Variants in RAB38 observed in about 807,000 individuals in gnomAD.
RAB38 encodes ras-related protein Rab-38.
A neutral mutation model predicts 18.4 loss-of-function variants in RAB38; 15 were observed. The ratio of observed to expected loss-of-function variants is 0.82; its 90% CI spans 0.55 to 1.26. RAB38 has a LOEUF of 1.26. Ranked by LOEUF, RAB38 falls within the 50% of genes most tolerant of loss-of-function variation. RAB38 has a pLI of 0.00. For synonymous variants in RAB38, 101 were observed against 104.4 expected (o/e 0.97, Z 0.20); for missense variants, 294 against 267.4 (o/e 1.10, Z -0.69).
chr11:88,004,624 G>A, the RAB38 span, among the ~76,000 whole-genome samples: 2 of 151,316 alleles, frequency 1.3e-5, no homozygotes, highest in Admixed American at 1.3e-4. Context: ...GAAGTTCCTA[G>A]TTAGTCATTG....
the RAB38 span, among the ~76,000 whole-genome samples, chr11:88,103,941 G>T: frequency 1.3e-5 from 2 of 152,242 alleles, no homozygotes; most frequent in Admixed American, 1.3e-4. Context: ...TTGCCAGAAG[G>T]TGTCGTCAGT....
At chr11:87,903,121 G>A in the RAB38 span, among the ~76,000 whole-genome samples, 159 of 151,192 alleles carry the variant, frequency 1.1e-3, no homozygotes, top group Middle Eastern at 6.8e-3. Context: ...TTTAATGAAC[G>A]TGGTGAGAAT....
At chr11:88,150,222 C>T (rs566381794) in intron 1 of RAB38, among the ~76,000 whole-genome samples, 1 of 152,238 alleles carries the variant, frequency 6.6e-6, no homozygotes, top group African/African-American at 2.4e-5. Context: ...TACAGTATTC[C>T]AGTAGCCACA....
intron 1 of RAB38, among the ~76,000 whole-genome samples, chr11:88,153,910 T>C (rs1048916455): frequency 4.6e-5 from 7 of 152,212 alleles, no homozygotes; most frequent in Non-Finnish European, 7.3e-5. Context: ...TTGTGTGGGC[T>C]TTATATCAAG....
At chr11:88,130,470 C>T (rs35514109) in intron 2 of RAB38, among the ~76,000 whole-genome samples, 12,847 of 152,182 alleles carry the variant, frequency 0.084, 622 homozygotes, top group Middle Eastern at 0.12. Flanking sequence ...ACTGAAGAGA[C>T]GGACTAGCAC....
chr11:88,088,254 C>A, the RAB38 span, among the ~76,000 whole-genome samples: 2 of 151,892 alleles, frequency 1.3e-5, no homozygotes, highest in South Asian at 4.1e-4. Context: ...CCCACAGCAT[C>A]AATTATTTAA....
chr11:87,837,304 A>T, the RAB38 span, among the ~76,000 whole-genome samples: 1 of 152,154 alleles, frequency 6.6e-6, no homozygotes, highest in Non-Finnish European at 1.5e-5. Context: ...TGTGAGCTCC[A>T]TGAGGGTACA....
chr11:87,866,854 T>A, the RAB38 span, among the ~76,000 whole-genome samples: 9 of 151,776 alleles, frequency 5.9e-5, no homozygotes, highest in Non-Finnish European at 8.8e-5. Flanking sequence ...TCAGGAAAGC[T>A]TCTGGCATGG....
chr11:88,117,986 A>C (rs1445820253), intron 2 of RAB38, among the ~76,000 whole-genome samples: 3 of 152,170 alleles, frequency 2.0e-5, no homozygotes, highest in Non-Finnish European at 4.4e-5. Flanking sequence ...CAGACAGGGA[A>C]AGTGACTGGC....
chr11:88,134,503 A>G (rs146981836), intron 2 of RAB38, among the ~76,000 whole-genome samples: 1 of 152,312 alleles, frequency 6.6e-6, no homozygotes, highest in African/African-American at 2.4e-5. Flanking sequence ...TCGGCCTCCC[A>G]AAGTGCTGGG....
At chr11:87,875,945 C>G in the RAB38 span, among the ~76,000 whole-genome samples, 3 of 151,522 alleles carry the variant, frequency 2.0e-5, no homozygotes, top group Non-Finnish European at 4.4e-5. Flanking sequence ...CCTCCCCATT[C>G]TTTACATTTA....
At chr11:87,812,010 A>T in the RAB38 span, among the ~76,000 whole-genome samples, 1 of 152,202 alleles carries the variant, frequency 6.6e-6, no homozygotes, top group South Asian at 2.1e-4. Flanking sequence ...GGAAATTCAG[A>T]TCAATCTGGC....
the RAB38 span, among the ~76,000 whole-genome samples, chr11:87,927,851 G>C: frequency 8.5e-5 from 13 of 152,086 alleles, no homozygotes; most frequent in South Asian, 8.3e-4. Flanking sequence ...AGGATCATTT[G>C]AGCCCAGGAG....
At chr11:87,810,141 GACTTT>G in the RAB38 span, among the ~76,000 whole-genome samples, 2 of 152,154 alleles carry the variant, frequency 1.3e-5, no homozygotes, top group African/African-American at 2.4e-5. Flanking sequence ...GGGGAAAGTA[GACTTT>G]ACTTTTTCTT....
chr11:88,106,397 T>C, the RAB38 span, among the ~76,000 whole-genome samples: 5 of 152,246 alleles, frequency 3.3e-5, no homozygotes, highest in Admixed American at 2.6e-4. Flanking sequence ...ATAGAAAACA[T>C]TGTATTTTAT....
At chr11:87,946,877 A>T in the RAB38 span, among the ~76,000 whole-genome samples, 1 of 152,206 alleles carries the variant, frequency 6.6e-6, no homozygotes, top group Admixed American at 6.6e-5. Context: ...TTATAGCAGC[A>T]TGATTTACAA....
intron 2 of RAB38, among the ~76,000 whole-genome samples, chr11:88,136,442 T>C (rs946108608): frequency 2.6e-5 from 4 of 151,996 alleles, no homozygotes; most frequent in South Asian, 2.1e-4. Flanking sequence ...ACTAAAAAAG[T>C]AAAGTAACAG....
the RAB38 span, among the ~76,000 whole-genome samples, chr11:87,952,861 G>C: frequency 1.3e-5 from 2 of 152,086 alleles, no homozygotes; most frequent in African/African-American, 4.8e-5. Context: ...TATATAAAAA[G>C]GAAAACTATC....
the RAB38 span, among the ~76,000 whole-genome samples, chr11:87,863,338 C>T: frequency 1.3e-5 from 2 of 151,704 alleles, no homozygotes; most frequent in Non-Finnish European, 1.5e-5. Flanking sequence ...TCAAGTACCC[C>T]AAAAGTACCC....
Sources: gnomAD v4.1 joint callset for allele counts (sites outside exome capture counted in the v4.1 genomes callset) on GRCh38, gnomAD v4.1.1 for gene constraint, MANE v1.5 for transcripts, NCBI Gene and HGNC (gene_info 2026-07-23, HGNC 2026-07-21) for gene names.